Variants in CNTNAP5 observed in about 807,000 individuals in gnomAD.
CNTNAP5 encodes contactin associated protein family member 5.
CNTNAP5 carries 72 observed loss-of-function variants against 150.2 expected under a neutral mutation model. The ratio of observed to expected loss-of-function variants is 0.48; its 90% CI spans 0.40 to 0.58. The LOEUF (loss-of-function observed/expected upper bound fraction) is 0.58, where lower values mean the gene tolerates loss of function less well. Among genes scored for constraint, CNTNAP5 ranks in the 20% least tolerant of loss-of-function variants. The pLI is 0.00. For missense variants in CNTNAP5, 1,636 were observed against 1,626.2 expected (o/e 1.01, Z -0.10); for synonymous variants, 672 against 619.8 (o/e 1.08, Z -1.25).
chr2:124,562,258 T>A (rs1447931475), intron 10 of CNTNAP5, among the ~76,000 whole-genome samples: 1 of 152,258 alleles, frequency 6.6e-6, no homozygotes, highest in Non-Finnish European at 1.5e-5. Flanking sequence ...TTTTGTGGTG[T>A]TCATGCTTCG....
intron 10 of CNTNAP5, among the ~76,000 whole-genome samples, chr2:124,551,959 G>A (rs1230912878): frequency 6.6e-6 from 1 of 152,182 alleles, no homozygotes; most frequent in Non-Finnish European, 1.5e-5. Flanking sequence ...GGGTAGGCAT[G>A]TGTCTAAACA....
chr2:124,351,021 C>T lies in CNTNAP5; in HGVS notation c.382-66422C>T, dbSNP rs751005029. Among the ~76,000 whole-genome samples the T allele has an allele frequency of 6.6e-5, 10 of 152,190 alleles. No homozygotes were observed. In the South Asian group the frequency reaches 8.3e-4, roughly 13 times the overall value. ...GAACTTCGATTTACACTGGCTTACA[C>T]TCTTCTGTATCATTCTCTGATATCA... On this transcript the variant is annotated intron_variant, in intron 3 of 23. Coordinates refer to ENST00000682447, the MANE Select transcript of CNTNAP5 (RefSeq NM_001367498.1).
At chr2:124,534,857 C>T (rs1695192410) in intron 10 of CNTNAP5, among the ~76,000 whole-genome samples, 1 of 152,126 alleles carries the variant, frequency 6.6e-6, no homozygotes, top group South Asian at 2.1e-4. Flanking sequence ...TGACACCAGT[C>T]CTGTTGACTT....
intron 19 of CNTNAP5, among the ~76,000 whole-genome samples, chr2:124,844,038 CT>C (rs1682997543): frequency 6.6e-6 from 1 of 151,800 alleles, no homozygotes; most frequent in Non-Finnish European, 1.5e-5. Context: ...TTTATATTTG[CT>C]TTTCTTGCAT....
intron 21 of CNTNAP5, among the ~76,000 whole-genome samples, chr2:124,873,010 T>C (rs911788986): frequency 4.6e-5 from 7 of 152,132 alleles, no homozygotes; most frequent in African/African-American, 9.7e-5. Context: ...TTAGTCCATT[T>C]TGGCATTGCC....
intron 3 of CNTNAP5, among the ~76,000 whole-genome samples, chr2:124,344,212 C>G (rs1006275050): frequency 7.2e-5 from 11 of 152,084 alleles, no homozygotes; most frequent in South Asian, 4.1e-4. Context: ...CCCCAAAACT[C>G]ATGTCCTTCT....
At chr2:124,531,372 G>T (rs1034693253) in intron 10 of CNTNAP5, among the ~76,000 whole-genome samples, 1 of 152,124 alleles carries the variant, frequency 6.6e-6, no homozygotes, top group South Asian at 2.1e-4. Context: ...AAGAAGCCAC[G>T]GACCAGCACT....
chr2:124,528,460 A>G (rs1032691484), intron 10 of CNTNAP5, among the ~76,000 whole-genome samples: 2 of 152,216 alleles, frequency 1.3e-5, no homozygotes, highest in African/African-American at 4.8e-5. Flanking sequence ...GCATAGAAGC[A>G]GGAGAAAGCA....
At chr2:124,070,993 A>T (rs1005866497) in intron 1 of CNTNAP5, among the ~76,000 whole-genome samples, 3 of 152,018 alleles carry the variant, frequency 2.0e-5, no homozygotes, top group Non-Finnish European at 4.4e-5. Flanking sequence ...AATAATATCG[A>T]GCATATTTTC....
intron 3 of CNTNAP5, among the ~76,000 whole-genome samples, chr2:124,334,935 C>T (rs1404849621): frequency 6.6e-6 from 1 of 151,982 alleles, no homozygotes; most frequent in Non-Finnish European, 1.5e-5. Context: ...TCCAATGAAC[C>T]CCTTTATGGA....
intron 3 of CNTNAP5, among the ~76,000 whole-genome samples, chr2:124,316,608 A>C (rs1688965693): frequency 6.6e-6 from 1 of 151,916 alleles, no homozygotes; most frequent in Admixed American, 6.6e-5. Flanking sequence ...GATTGAGACT[A>C]TCCTGGCTAA....
intron 21 of CNTNAP5, among the ~76,000 whole-genome samples, chr2:124,894,306 T>C (rs1678259846): frequency 6.8e-6 from 1 of 147,836 alleles, no homozygotes; most frequent in South Asian, 2.1e-4. Context: ...GTAGGATATA[T>C]TTCTATGATT....
At chr2:124,400,674 T>TG (rs1691390306) in intron 3 of CNTNAP5, among the ~76,000 whole-genome samples, 1 of 91,458 alleles carries the variant, frequency 1.1e-5, no homozygotes. Flanking sequence ...GCATTGTTTT[T>TG]TTTTTTTTTT....
intron 1 of CNTNAP5, among the ~76,000 whole-genome samples, chr2:124,042,242 C>T (rs1681394607): frequency 6.6e-6 from 1 of 152,126 alleles, no homozygotes. Flanking sequence ...AATATGATGA[C>T]ATATACTTTC....
chr2:124,271,364 G>A (rs1687746849), intron 3 of CNTNAP5, among the ~76,000 whole-genome samples: 1 of 152,142 alleles, frequency 6.6e-6, no homozygotes, highest in Non-Finnish European at 1.5e-5. Flanking sequence ...GGAGGGGCAT[G>A]TCTGGGCCAG....
chr2:124,763,912 G>C, intron 15 of CNTNAP5, 65 bp from the exon 16 acceptor site: 1 of 1,593,190 alleles, frequency 6.3e-7, no homozygotes, highest in Non-Finnish European at 8.6e-7. Flanking sequence ...TTATCCACAT[G>C]TCCAGTGCTT....
Position 124,069,242 on chromosome 2 carries a change from G to A in CNTNAP5, c.82+43510G>A, listed in dbSNP as rs979777111. Among the ~76,000 whole-genome samples the A allele has an allele frequency of 5.9e-5, 9 of 152,294 alleles. No homozygotes were observed. In the East Asian group the frequency reaches 1.7e-3, roughly 30 times the overall value. Reference sequence around the variant, plus strand: ...GGCCAGTGGTTATGGTGGCCACGATGAGACTCCTCTGACTGTGGAAGGGGG... The same window carrying A: ...GGCCAGTGGTTATGGTGGCCACGATAAGACTCCTCTGACTGTGGAAGGGGG... On this transcript the variant is annotated intron_variant, in intron 1 of 23. Coordinates refer to ENST00000682447, the MANE Select transcript of CNTNAP5 (RefSeq NM_001367498.1).
At chr2:124,855,118 G>C (rs1355895955) in intron 19 of CNTNAP5, among the ~76,000 whole-genome samples, 1 of 150,890 alleles carries the variant, frequency 6.6e-6, no homozygotes, top group Non-Finnish European at 1.5e-5. Flanking sequence ...GAATGTCATG[G>C]TAAGAAGTTG....
At chr2:124,082,206 A>G (rs1682573194) in intron 1 of CNTNAP5, among the ~76,000 whole-genome samples, 1 of 151,952 alleles carries the variant, frequency 6.6e-6, no homozygotes, top group Admixed American at 6.6e-5. Context: ...AAAATTAGCC[A>G]GGCGTGGTGG....
Sources: gnomAD v4.1 joint callset for allele counts (sites outside exome capture counted in the v4.1 genomes callset) on GRCh38, gnomAD v4.1.1 for gene constraint, MANE v1.5 for transcripts, NCBI Gene and HGNC (gene_info 2026-07-23, HGNC 2026-07-21) for gene names.